The following RFC1 variants were observed in gnomAD, a reference collection of about 807,000 sequenced individuals.
RFC1 encodes replication factor C subunit 1, also known as A1 140 kDa subunit.
A neutral mutation model predicts 137.4 loss-of-function variants in RFC1; 37 were observed. The ratio of observed to expected loss-of-function variants is 0.27; its 90% CI spans 0.21 to 0.35. RFC1 has a LOEUF of 0.35. Among genes scored for constraint, RFC1 ranks in the 10% least tolerant of loss-of-function variants. The pLI is 1.00. For synonymous variants in RFC1, 429 were observed against 455.7 expected, an observed-to-expected ratio of 0.94 and a Z score of 0.75; for missense variants, 1,205 against 1,358.5, an observed-to-expected ratio of 0.89 and a Z score of 1.78.
At chr4:39,326,466 CA>C in intron 6 of RFC1, 96 bp downstream of exon 6, 1 of 809,798 alleles carries the variant, frequency 1.2e-6, no homozygotes, top group South Asian at 1.8e-5. Flanking sequence ...ACTTATTTTA[CA>C]TGTAACTTCC....
Position 39,307,740 on chromosome 4 carries a change from A to C in RFC1, c.1885+896T>G, listed in dbSNP as rs140055316. 8.0e-4 allele frequency among the ~76,000 whole-genome samples: 121 copies of C among 151,380 alleles called. 2 individuals are homozygous for C. Among genetic ancestry groups the C allele is most frequent in the African/African-American group, 1.9e-3 (80 of 41,114 alleles). On this transcript the variant is annotated intron_variant, in intron 13 of 24. Coordinates refer to ENST00000349703, the MANE Select transcript of RFC1 (RefSeq NM_002913.5). ...CAAAACAAAACAAAACAAAACAAAA[A>C]AAAAACAGTCTTCTCCAGGCACATG...
intron 4 of RFC1, chr4:39,341,604 T>G: frequency 2.2e-6 from 1 of 456,282 alleles, no homozygotes. Context: ...ACTCAATGTG[T>G]CAGGCACTGG....
chr4:39,347,348 T>G (rs533133421), intron 2 of RFC1, among the ~76,000 whole-genome samples: 1 of 152,218 alleles, frequency 6.6e-6, no homozygotes, highest in South Asian at 2.1e-4. Context: ...GAATTCCTCC[T>G]GCCCGACTGC....
intron 4 of RFC1, among the ~76,000 whole-genome samples, chr4:39,334,611 G>A (rs537941763): frequency 7.2e-5 from 11 of 152,078 alleles, no homozygotes; most frequent in African/African-American, 1.2e-4. Flanking sequence ...ATTGGATTCC[G>A]CCTCATAGGA....
chr4:39,293,122 T>C (rs1456625108), intron 22 of RFC1, among the ~76,000 whole-genome samples: 1 of 152,196 alleles, frequency 6.6e-6, no homozygotes, highest in Non-Finnish European at 1.5e-5. Context: ...CTCGCAACTA[T>C]TACCTAGACA....
chr4:39,317,761 T>C (rs1024455656), intron 9 of RFC1: 2 of 151,280 alleles, frequency 1.3e-5, no homozygotes, highest in Non-Finnish European at 2.9e-5. Flanking sequence ...TAAGAACCAC[T>C]ATCAGGTGTT....
At chr4:39,326,744 TG>T in intron 5 of RFC1, 104 bp from the exon 6 acceptor site, 3 of 834,928 alleles carry the variant, frequency 3.6e-6, no homozygotes, top group African/African-American at 1.7e-5. Flanking sequence ...GAGAGATAAG[TG>T]TATCTATCAG....
chr4:39,331,378 C>T (rs1381520183), intron 4 of RFC1, among the ~76,000 whole-genome samples: 1 of 152,158 alleles, frequency 6.6e-6, no homozygotes, highest in Non-Finnish European at 1.5e-5. Flanking sequence ...TTCCACTACA[C>T]TTAGCCGTGC....
At chr4:39,355,517 G>T (rs529207305) in intron 1 of RFC1, among the ~76,000 whole-genome samples, 21 of 151,898 alleles carry the variant, frequency 1.4e-4, no homozygotes, top group Admixed American at 2.0e-4. Context: ...ATAAATAAAA[G>T]CTCCTAATAG....
chr4:39,295,470 T>G, intron 22 of RFC1, 144 bp downstream of exon 22: 2 of 608,920 alleles, frequency 3.3e-6, no homozygotes, highest in South Asian at 7.2e-5. Context: ...CCATAAAATA[T>G]AAGGAACTTA....
rs914677409 is a variant in RFC1 at position 39,293,697 on chromosome 4, T to C, written c.2955-1845A>G. 1.1e-4 allele frequency among the ~76,000 whole-genome samples: 17 copies of C among 151,186 alleles called. 1 individual carries two copies. The highest frequency in any genetic ancestry group is 1.1e-3 in the Admixed American group (16 of 15,026). ...AGTTCCCACCCCCAAAAATGTTTGG[T>C]CTAATGAGGGAAGAGGACAGTGAAG... On this transcript the variant is annotated intron_variant, in intron 22 of 24. Coordinates refer to ENST00000349703, the MANE Select transcript of RFC1 (RefSeq NM_002913.5).
intron 4 of RFC1, among the ~76,000 whole-genome samples, chr4:39,328,066 G>A (rs1199339553): frequency 6.6e-6 from 1 of 152,190 alleles, no homozygotes; most frequent in Admixed American, 6.5e-5. Flanking sequence ...CCAGGAGGTT[G>A]AGGCTGCAGT....
chr4:39,352,817 C>A (rs1456814768), intron 1 of RFC1, among the ~76,000 whole-genome samples: 2 of 152,234 alleles, frequency 1.3e-5, no homozygotes, highest in African/African-American at 4.8e-5. Context: ...GATTTAAGAA[C>A]CACCTGTATC....
rs1206274534 is a variant in RFC1, at chr4:39,317,087, T to C, written c.1096-65A>G. ...GAATTCATGCAAAATTTAAAATACATATCTAGAAATAAACATTATTTTTAT... is the reference window on the plus strand; with the variant it reads ...GAATTCATGCAAAATTTAAAATACACATCTAGAAATAAACATTATTTTTAT... On this transcript the variant is annotated intron_variant, in intron 9 of 24. Transcript: ENST00000349703. The C allele has an allele frequency of 4.4e-6, 4 of 910,902 alleles. No homozygotes were observed. In the Admixed American group the frequency reaches 7.9e-5, roughly 18 times the overall value. 56.4% of individuals were successfully genotyped at this position (910,902 alleles called of 1,614,324 possible).
chr4:39,320,077 C>A (rs189510001), intron 9 of RFC1, among the ~76,000 whole-genome samples: 1 of 152,128 alleles, frequency 6.6e-6, no homozygotes. Flanking sequence ...AGGCCGGGCG[C>A]GGTGGCTCAC....
chr4:39,326,759 C>T (rs1739789891), intron 5 of RFC1, 119 bp from the exon 6 acceptor site: 1 of 724,508 alleles, frequency 1.4e-6, no homozygotes. Context: ...CTATCAGTAA[C>T]AGCTGCAATG....
chr4:39,307,985 C>A (rs1738767999), intron 13 of RFC1, among the ~76,000 whole-genome samples: 1 of 152,118 alleles, frequency 6.6e-6, no homozygotes, highest in African/African-American at 2.4e-5. Flanking sequence ...ATACTTTGGA[C>A]ATTAAATACA....
chr4:39,294,330 C>T (rs1737856682), intron 22 of RFC1, among the ~76,000 whole-genome samples: 1 of 152,180 alleles, frequency 6.6e-6, no homozygotes, highest in African/African-American at 2.4e-5. Flanking sequence ...AATATTCCTT[C>T]CAGGGACCAG....
chr4:39,311,290 G>C (rs542251818), intron 12 of RFC1, among the ~76,000 whole-genome samples, 155 bp downstream of exon 12: 1 of 152,248 alleles, frequency 6.6e-6, no homozygotes, highest in South Asian at 2.1e-4. Context: ...TCTTGAAGCA[G>C]AGTCTTCCAG....
Sources: gnomAD v4.1 joint callset for allele counts (sites outside exome capture counted in the v4.1 genomes callset) on GRCh38, gnomAD v4.1.1 for gene constraint, MANE v1.5 for transcripts, NCBI Gene and HGNC (gene_info 2026-07-23, HGNC 2026-07-21) for gene names.